Variants in PRKG1 observed in about 807,000 individuals in gnomAD.
PRKG1 encodes the protein cGMP-dependent protein kinase 1.
PRKG1 carries 35 observed loss-of-function variants against 88.1 expected under a neutral mutation model. The observed-to-expected ratio is 0.40, with a 90% CI of 0.30 to 0.53. PRKG1 has a LOEUF of 0.53. Ranked by LOEUF, PRKG1 falls within the 20% of genes least tolerant of loss-of-function variation. PRKG1 has a pLI of 0.59. For missense variants in PRKG1, 540 were observed against 839.8 expected (o/e 0.64, Z 4.41); for synonymous variants, 303 against 292.5 (o/e 1.04, Z -0.37).
At chr10:51,628,875 C>A (rs895905547) in intron 3 of PRKG1, among the ~76,000 whole-genome samples, 2 of 150,702 alleles carry the variant, frequency 1.3e-5, no homozygotes, top group Non-Finnish European at 2.9e-5. Flanking sequence ...AGGAGAATGG[C>A]GTGAACCCGG....
chr10:51,359,200 C>T (rs1308132471), intron 2 of PRKG1, among the ~76,000 whole-genome samples: 1 of 151,718 alleles, frequency 6.6e-6, no homozygotes, highest in Non-Finnish European at 1.5e-5. Flanking sequence ...CAAATAAAAT[C>T]CTTTTGAAGA....
At chr10:51,014,110 G>A (rs996115142) in intron 1 of PRKG1, among the ~76,000 whole-genome samples, 1 of 152,192 alleles carries the variant, frequency 6.6e-6, no homozygotes, top group Admixed American at 6.5e-5. Context: ...TTTTGAATGT[G>A]AACATGGTGA....
chr10:51,001,845 G>A (rs951409919), intron 1 of PRKG1, among the ~76,000 whole-genome samples: 34 of 152,158 alleles, frequency 2.2e-4, no homozygotes, highest in African/African-American at 7.2e-4. Context: ...GGCTCCACTA[G>A]GAGTTTGAAA....
intron 3 of PRKG1, among the ~76,000 whole-genome samples, chr10:51,590,837 A>G (rs964219571): frequency 2.0e-5 from 3 of 152,092 alleles, no homozygotes; most frequent in Admixed American, 6.6e-5. Context: ...TGGTATTGCA[A>G]CCTCAATAAA....
chr10:51,183,995 C>T (rs113176085), intron 2 of PRKG1, among the ~76,000 whole-genome samples: 2,800 of 152,254 alleles, frequency 0.018, 43 homozygotes, highest in Middle Eastern at 0.051. Flanking sequence ...TCTAGACAGG[C>T]ATGACCAATA....
chr10:52,108,877 A>T lies in PRKG1; in HGVS notation c.936-24963A>T, dbSNP rs982031377. Among the ~76,000 whole-genome samples, 3 of 82,942 alleles carry T rather than the reference A, an allele frequency of 3.6e-5. No individual in the cohort carries two copies. The East Asian group carries it at 1.1e-3, about 29-fold the overall frequency. The allele number at this position is 82,942 out of a possible 152,430, so 54.4% of individuals were successfully genotyped here. ...AGTGTCGCTCTGTCGCCCAAGTTGG[A>T]GTGCAGTGGCGCAATCTCAGCTCAC... On this transcript the variant is annotated intron_variant, in intron 7 of 17. Transcript: ENST00000373980.
chr10:52,127,672 G>A (rs1265339366), intron 7 of PRKG1, among the ~76,000 whole-genome samples: 4 of 152,184 alleles, frequency 2.6e-5, no homozygotes, highest in African/African-American at 9.7e-5. Flanking sequence ...GGGTCCTAAA[G>A]TGATGATGAT....
intron 3 of PRKG1, among the ~76,000 whole-genome samples, chr10:51,484,965 T>G (rs1452290347): frequency 6.6e-6 from 1 of 152,218 alleles, no homozygotes; most frequent in Non-Finnish European, 1.5e-5. Flanking sequence ...ATATATGTAC[T>G]AATAATCTTA....
chr10:51,163,135 A>T lies in PRKG1; in HGVS notation c.478+9805A>T, dbSNP rs554833762. 3.9e-5 allele frequency among the ~76,000 whole-genome samples: 6 copies of T among 152,338 alleles called. No homozygotes were observed. In the South Asian group the frequency reaches 1.2e-3, roughly 32 times the overall value. On this transcript the variant is annotated intron_variant, in intron 2 of 17. Transcript: ENST00000373980. ...AGCCGAGATCACACCGCTACACTCCAGTCTGGGCAACAGGAGTGAAACTCT... is the reference window on the plus strand; with the variant it reads ...AGCCGAGATCACACCGCTACACTCCTGTCTGGGCAACAGGAGTGAAACTCT...
chr10:51,164,062 G>T (rs1846452504), intron 2 of PRKG1, among the ~76,000 whole-genome samples: 2 of 152,206 alleles, frequency 1.3e-5, no homozygotes, highest in African/African-American at 2.4e-5. Context: ...CCAGCATGCA[G>T]CTGGAGATCT....
chr10:52,141,372 A>G (rs1837576934), intron 8 of PRKG1, among the ~76,000 whole-genome samples: 3 of 152,118 alleles, frequency 2.0e-5, no homozygotes, highest in Non-Finnish European at 1.5e-5. Context: ...ACAACTCCTC[A>G]TGTTTGCCTG....
chr10:51,572,680 C>CT (rs963822275), intron 3 of PRKG1, among the ~76,000 whole-genome samples: 36 of 151,758 alleles, frequency 2.4e-4, no homozygotes, highest in Non-Finnish European at 2.5e-4. Context: ...GGCCAGCAAT[C>CT]TTTTTTTGTT....
At chr10:51,635,293 A>C (rs1339657527) in intron 3 of PRKG1, among the ~76,000 whole-genome samples, 1 of 151,942 alleles carries the variant, frequency 6.6e-6, no homozygotes, top group Middle Eastern at 3.2e-3. Flanking sequence ...AGCAAAAAAA[A>C]AAAAAAAAAG....
At chr10:52,101,934 T>C (rs113055511) in intron 7 of PRKG1, among the ~76,000 whole-genome samples, 50 of 152,362 alleles carry the variant, frequency 3.3e-4, no homozygotes, top group African/African-American at 1.1e-3. Context: ...CAGGAAGGAA[T>C]AGCCTAACTC....
chr10:51,516,731 C>T (rs575559371), intron 3 of PRKG1, among the ~76,000 whole-genome samples: 5 of 152,320 alleles, frequency 3.3e-5, no homozygotes, highest in Admixed American at 3.3e-4. Flanking sequence ...CCTGTGTTGA[C>T]TATGCTGATG....
intron 5 of PRKG1, among the ~76,000 whole-genome samples, chr10:51,948,776 C>A (rs1318830955): frequency 6.6e-6 from 1 of 152,036 alleles, no homozygotes; most frequent in Non-Finnish European, 1.5e-5. Flanking sequence ...AACTCTTGGT[C>A]ACATAGTCTG....
At chr10:51,197,943 G>C (rs1445789335) in intron 2 of PRKG1, among the ~76,000 whole-genome samples, 2 of 151,734 alleles carry the variant, frequency 1.3e-5, no homozygotes, top group African/African-American at 4.8e-5. Context: ...CTTTAAAAGT[G>C]TTTCCATAAA....
At chr10:51,115,001 A>C (rs9414820) in intron 1 of PRKG1, among the ~76,000 whole-genome samples, 121,104 of 151,914 alleles carry the variant, frequency 0.8, 48,839 homozygotes, top group South Asian at 0.88. Context: ...GTGCAAAGTA[A>C]AGAGAAGCAT....
intron 3 of PRKG1, among the ~76,000 whole-genome samples, chr10:51,558,881 T>A (rs1454864987): frequency 6.6e-6 from 1 of 152,090 alleles, no homozygotes; most frequent in African/African-American, 2.4e-5. Flanking sequence ...GTGGAATGAA[T>A]ACAGTAGTCC....
Sources: allele counts gnomAD v4.1 joint callset (sites outside exome capture counted in the v4.1 genomes callset), GRCh38; gene constraint gnomAD v4.1.1; transcripts MANE v1.5; gene names NCBI Gene and HGNC (gene_info 2026-07-23, HGNC 2026-07-21).